Variants in NEGR1 observed in about 807,000 individuals in gnomAD.
NEGR1 encodes the protein IgLON family member 4.
Under a neutral mutation model 40.9 loss-of-function variants are expected in NEGR1, and 10 were observed. The observed-to-expected ratio is 0.24, with a 90% CI of 0.15 to 0.42. The LOEUF (loss-of-function observed/expected upper bound fraction) is 0.42. Among genes scored for constraint, NEGR1 ranks in the 10% least tolerant of loss-of-function variants. The probability of loss-of-function intolerance (pLI) is 1.00; values close to 1 mark genes in which losing one functional copy is unlikely to be tolerated. For missense variants in NEGR1, 352 were observed against 438.9 expected (o/e 0.80, Z 1.77); for synonymous variants, 185 against 166.8 (o/e 1.11, Z -0.84).
chr1:71,974,709 A>AT (rs1194009507), intron 1 of NEGR1, among the ~76,000 whole-genome samples: 1 of 152,154 alleles, frequency 6.6e-6, no homozygotes, highest in Non-Finnish European at 1.5e-5. Context: ...TATATTAATT[A>AT]TTTTTGCAAA....
intron 1 of NEGR1, among the ~76,000 whole-genome samples, chr1:72,150,636 T>C (rs762600493): frequency 1.3e-5 from 2 of 152,072 alleles, no homozygotes; most frequent in Non-Finnish European, 2.9e-5. Flanking sequence ...GGATCTAGAG[T>C]ATAACTGATT....
chr1:71,466,630 CAT>C (rs1353381121), intron 6 of NEGR1, among the ~76,000 whole-genome samples: 1 of 151,962 alleles, frequency 6.6e-6, no homozygotes, highest in Non-Finnish European at 1.5e-5. Flanking sequence ...GGAAAAGAGT[CAT>C]GTGGTATTTG....
At chr1:71,952,053 T>A (rs1646075581) in intron 1 of NEGR1, among the ~76,000 whole-genome samples, 1 of 151,862 alleles carries the variant, frequency 6.6e-6, no homozygotes, top group Non-Finnish European at 1.5e-5. Flanking sequence ...TTCCCCAAGA[T>A]ACAACAATTT....
At chr1:72,026,926 T>G (rs1347000319) in intron 1 of NEGR1, among the ~76,000 whole-genome samples, 1 of 152,128 alleles carries the variant, frequency 6.6e-6, no homozygotes, top group Non-Finnish European at 1.5e-5. Flanking sequence ...TGTTTTGTTT[T>G]GTTTTTTGGT....
intron 3 of NEGR1, among the ~76,000 whole-genome samples, chr1:71,739,202 A>C (rs1361249571): frequency 8.1e-6 from 1 of 124,000 alleles, no homozygotes; most frequent in Non-Finnish European, 1.6e-5. Context: ...GCAGGCAGAA[A>C]AAAAAAAAAA....
chr1:71,729,518 G>A (rs1654783596), intron 3 of NEGR1, among the ~76,000 whole-genome samples: 2 of 152,120 alleles, frequency 1.3e-5, no homozygotes, highest in South Asian at 4.1e-4. Context: ...TTGGCATGGG[G>A]TAGGCTTTTA....
At chr1:71,835,011 C>T (rs116814217) in intron 2 of NEGR1, among the ~76,000 whole-genome samples, 127 of 152,048 alleles carry the variant, frequency 8.4e-4, no homozygotes, top group African/African-American at 2.8e-3. Context: ...CCAATCTGGA[C>T]CAGGCTGGAC....
At chr1:71,690,541 C>T (rs1332821339) in intron 4 of NEGR1, among the ~76,000 whole-genome samples, 1 of 146,892 alleles carries the variant, frequency 6.8e-6, no homozygotes, top group Admixed American at 6.9e-5. Flanking sequence ...TACACCATCA[C>T]AAATGCACAC....
At chr1:71,597,621 A>T (rs564903948) in intron 5 of NEGR1, among the ~76,000 whole-genome samples, 1 of 151,436 alleles carries the variant, frequency 6.6e-6, no homozygotes, top group South Asian at 2.1e-4. Context: ...CATACTAAAA[A>T]TTTTCAGCAT....
chr1:71,845,411 AG>A (rs1406515988), intron 2 of NEGR1, among the ~76,000 whole-genome samples: 2 of 152,164 alleles, frequency 1.3e-5, no homozygotes, highest in African/African-American at 2.4e-5. Flanking sequence ...GTAAGAAAAA[AG>A]AAACAAAGTC....
intron 2 of NEGR1, among the ~76,000 whole-genome samples, chr1:71,905,147 T>C (rs1661242256): frequency 6.6e-6 from 1 of 152,116 alleles, no homozygotes; most frequent in Non-Finnish European, 1.5e-5. Context: ...TCTGGAAAAA[T>C]ACTTGAAGTG....
chr1:72,177,179 C>G (rs1284608951), intron 1 of NEGR1, among the ~76,000 whole-genome samples: 1 of 152,008 alleles, frequency 6.6e-6, no homozygotes, highest in African/African-American at 2.4e-5. Flanking sequence ...ACTGTTACTA[C>G]TATTTCACAA....
chr1:71,833,370 A>G (rs1260373437), intron 2 of NEGR1, among the ~76,000 whole-genome samples: 1 of 152,094 alleles, frequency 6.6e-6, no homozygotes, highest in Non-Finnish European at 1.5e-5. Context: ...ACCACTAACT[A>G]CTATCAGTGG....
At chr1:72,124,719 C>T (rs762545964) in intron 1 of NEGR1, among the ~76,000 whole-genome samples, 28 of 151,844 alleles carry the variant, frequency 1.8e-4, no homozygotes, top group African/African-American at 3.9e-4. Flanking sequence ...GTTGGCTGTT[C>T]GGCATTGGAT....
chr1:71,472,467 A>G (rs1050884517), intron 6 of NEGR1: 1 of 152,128 alleles, frequency 6.6e-6, no homozygotes, highest in African/African-American at 2.4e-5. Context: ...CAATTGGGCT[A>G]CTGGGACTTG....
intron 6 of NEGR1, among the ~76,000 whole-genome samples, chr1:71,429,135 T>G (rs979203933): frequency 6.6e-6 from 1 of 152,168 alleles, no homozygotes. Context: ...AATTTTTTTT[T>G]CATAAACCGC....
At chr1:71,582,814 C>G (rs911902476) in intron 6 of NEGR1, among the ~76,000 whole-genome samples, 2 of 152,190 alleles carry the variant, frequency 1.3e-5, no homozygotes, top group African/African-American at 4.8e-5. Context: ...AAGCTGAAAG[C>G]GCACAGAATT....
chr1:72,281,412 G>A (rs986588849), intron 1 of NEGR1, among the ~76,000 whole-genome samples: 1 of 152,244 alleles, frequency 6.6e-6, no homozygotes, highest in Admixed American at 6.5e-5. Flanking sequence ...GAGGATGTGA[G>A]AGTATGTGAG....
chr1:72,065,575 G>A lies in NEGR1; in HGVS notation c.177-130264C>T, dbSNP rs185827153. Among the ~76,000 whole-genome samples, 5 of 152,176 alleles carry A rather than the reference G, an allele frequency of 3.3e-5. No homozygotes were observed. The East Asian group carries it at 9.7e-4, about 29-fold the overall frequency. ...AGCTGTGTGGAAAAGTAGGAGAAAG[G>A]ACTTGAACTCCAGCAATGGTAATTG... On this transcript the variant is annotated intron_variant, in intron 1 of 6. Coordinates refer to ENST00000357731, the MANE Select transcript of NEGR1 (RefSeq NM_173808.3).
Sources: allele counts gnomAD v4.1 joint callset (sites outside exome capture counted in the v4.1 genomes callset), GRCh38; gene constraint gnomAD v4.1.1; transcripts MANE v1.5; gene names NCBI Gene and HGNC (gene_info 2026-07-23, HGNC 2026-07-21).